AGBL4: variants seen among roughly 807,000 people sequenced by gnomAD.
AGBL4 encodes cytosolic carboxypeptidase 6.
AGBL4 carries 58 observed loss-of-function variants against 66.4 expected under a neutral mutation model. The observed-to-expected ratio is 0.87, with a 90% CI of 0.71 to 1.09. The LOEUF (loss-of-function observed/expected upper bound fraction) is 1.09. Among genes scored for constraint, AGBL4 ranks in the 50% least tolerant of loss-of-function variants. The pLI, the probability that AGBL4 is intolerant of heterozygous loss-of-function variation, is 0.00. For missense variants in AGBL4, 579 were observed against 631.0 expected, an observed-to-expected ratio of 0.92 and a Z score of 0.88; for synonymous variants, 234 against 222.9, an observed-to-expected ratio of 1.05 and a Z score of -0.44.
chr1:49,920,901 T>C (rs1338929736), intron 1 of AGBL4, among the ~76,000 whole-genome samples: 2 of 152,212 alleles, frequency 1.3e-5, no homozygotes, highest in African/African-American at 4.8e-5. Flanking sequence ...CATGGAATAC[T>C]ATGCAGCCAT....
intron 5 of AGBL4, among the ~76,000 whole-genome samples, chr1:48,900,515 A>G (rs867686899): frequency 7.9e-4 from 120 of 152,362 alleles, no homozygotes; most frequent in African/African-American, 2.9e-3. Context: ...TAATCAAGAC[A>G]GTGTGGTTTG....
chr1:49,874,537 CTTA>C (rs1477693433), intron 1 of AGBL4, among the ~76,000 whole-genome samples: 1 of 151,970 alleles, frequency 6.6e-6, no homozygotes, highest in South Asian at 2.1e-4. Context: ...ATTAAGTCTA[CTTA>C]TTATATGTAA....
intron 4 of AGBL4, among the ~76,000 whole-genome samples, chr1:49,062,197 A>G (rs1644415109): frequency 6.6e-6 from 1 of 152,128 alleles, no homozygotes; most frequent in East Asian, 1.9e-4. Context: ...CTTCCATAAA[A>G]TGGGTTGCTG....
chr1:50,002,912 A>C (rs1660870132), intron 1 of AGBL4, among the ~76,000 whole-genome samples: 1 of 152,350 alleles, frequency 6.6e-6, no homozygotes, highest in South Asian at 2.1e-4. Context: ...CAAAAAAGTA[A>C]AGTAAAAATA....
chr1:48,856,097 C>T (rs1273527414), intron 6 of AGBL4, among the ~76,000 whole-genome samples: 3 of 151,982 alleles, frequency 2.0e-5, no homozygotes, highest in African/African-American at 7.2e-5. Flanking sequence ...AGTAAATGTG[C>T]TAAAATATTA....
intron 3 of AGBL4, among the ~76,000 whole-genome samples, chr1:49,655,934 G>GT (rs762757293): frequency 5.3e-5 from 8 of 152,112 alleles, no homozygotes; most frequent in Non-Finnish European, 1.2e-4. Flanking sequence ...AGATCATGAG[G>GT]TCAGCAGTTC....
At position 48,533,847 on chromosome 1, in the gene AGBL4, G is replaced by A; in HGVS notation, c.*326C>T. On this transcript the variant is annotated 3_prime_UTR_variant, in exon 14 of 14. Transcript: ENST00000371839. ...AATGTAAAGTGGCTTTGAAAGAACT[G>A]ACCTGATATGTGTCAAATCTCTTAA... The A allele has an allele frequency of 2.9e-6, 1 of 346,892 alleles. No individual in the cohort carries two copies. The highest frequency in any genetic ancestry group is 2.7e-5 in the South Asian group (1 of 36,430). The allele number at this position is 346,892 out of a possible 1,614,324, so 21.5% of individuals were successfully genotyped here.
chr1:49,502,094 T>C (rs1446401633), intron 3 of AGBL4, among the ~76,000 whole-genome samples: 1 of 152,130 alleles, frequency 6.6e-6, no homozygotes, highest in Non-Finnish European at 1.5e-5. Context: ...TGCTGTTGGG[T>C]GGGATGTTCT....
At chr1:48,918,126 C>T (rs1023162174) in intron 5 of AGBL4, among the ~76,000 whole-genome samples, 4 of 152,196 alleles carry the variant, frequency 2.6e-5, no homozygotes, top group Non-Finnish European at 4.4e-5. Flanking sequence ...GAGCTAATGG[C>T]GCAGCCGGGG....
chr1:49,522,285 G>T (rs1380247927), intron 3 of AGBL4, among the ~76,000 whole-genome samples: 2 of 151,952 alleles, frequency 1.3e-5, no homozygotes, highest in Non-Finnish European at 2.9e-5. Flanking sequence ...CTTATGAGTA[G>T]GTGGGTATAA....
chr1:48,996,461 A>T (rs984572951), intron 5 of AGBL4, among the ~76,000 whole-genome samples: 1 of 152,194 alleles, frequency 6.6e-6, no homozygotes, highest in Admixed American at 6.5e-5. Flanking sequence ...AAAAGTGGCC[A>T]CTGTGGAGAA....
chr1:49,210,456 T>C (rs2148253190), intron 4 of AGBL4, among the ~76,000 whole-genome samples: 1 of 152,194 alleles, frequency 6.6e-6, no homozygotes, highest in East Asian at 1.9e-4. Flanking sequence ...GAGGTTTCTA[T>C]CTCACAGTCT....
At chr1:49,255,133 C>T (rs1652375485) in intron 3 of AGBL4, among the ~76,000 whole-genome samples, 1 of 152,086 alleles carries the variant, frequency 6.6e-6, no homozygotes, top group Admixed American at 6.6e-5. Flanking sequence ...ATGTCAAAAG[C>T]AACTACAACA....
At chr1:48,678,017 G>A (rs569576016) in intron 6 of AGBL4, among the ~76,000 whole-genome samples, 4 of 152,274 alleles carry the variant, frequency 2.6e-5, no homozygotes, top group South Asian at 4.1e-4. Context: ...CTGACACTAC[G>A]AACACGTCAT....
chr1:48,806,993 C>T (rs968754648), intron 6 of AGBL4, among the ~76,000 whole-genome samples: 3 of 152,174 alleles, frequency 2.0e-5, no homozygotes, highest in Non-Finnish European at 4.4e-5. Flanking sequence ...AGCATCTACT[C>T]TCATATATCC....
intron 1 of AGBL4, among the ~76,000 whole-genome samples, chr1:49,949,903 G>A (rs985000580): frequency 8.7e-5 from 13 of 149,172 alleles, no homozygotes; most frequent in East Asian, 2.0e-4. Flanking sequence ...ACTTGCATAT[G>A]CATGTTTATA....
intron 4 of AGBL4, among the ~76,000 whole-genome samples, chr1:49,060,335 A>G (rs1644380732): frequency 6.6e-6 from 1 of 152,136 alleles, no homozygotes; most frequent in Admixed American, 6.5e-5. Flanking sequence ...TTCTGCCATG[A>G]TTGTAAGTTT....
intron 1 of AGBL4, among the ~76,000 whole-genome samples, chr1:49,962,939 C>T (rs1351774426): frequency 6.6e-6 from 1 of 152,088 alleles, no homozygotes; most frequent in Non-Finnish European, 1.5e-5. Context: ...GATTCAAACC[C>T]AGACTTCCTG....
chr1:48,981,110 G>A (rs1355741243), intron 5 of AGBL4, among the ~76,000 whole-genome samples: 1 of 152,054 alleles, frequency 6.6e-6, no homozygotes, highest in South Asian at 2.1e-4. Flanking sequence ...AGGTCCTTTG[G>A]ATTTGTTTGA....
Sources: allele counts gnomAD v4.1 joint callset (sites outside exome capture counted in the v4.1 genomes callset), GRCh38; gene constraint gnomAD v4.1.1; transcripts MANE v1.5; gene names NCBI Gene and HGNC (gene_info 2026-07-23, HGNC 2026-07-21).